The following ATG7 variants were observed in gnomAD, a reference collection of about 807,000 sequenced individuals.
ATG7 encodes ubiquitin-like modifier-activating enzyme ATG7.
Under a neutral mutation model 82.4 loss-of-function variants are expected in ATG7, and 70 were observed. The observed-to-expected ratio is 0.85, with a 90% CI of 0.70 to 1.04. The LOEUF (loss-of-function observed/expected upper bound fraction) is 1.04, where lower values mean the gene tolerates loss of function less well. ATG7 is among the 50% of genes least tolerant of loss of function. ATG7 has a pLI of 0.00. For missense variants in ATG7, 792 were observed against 864.3 expected, an observed-to-expected ratio of 0.92 and a Z score of 1.05; for synonymous variants, 287 against 313.0, an observed-to-expected ratio of 0.92 and a Z score of 0.88.
chr3:11,537,111 G>A (rs558833774), intron 20 of ATG7, among the ~76,000 whole-genome samples: 3 of 152,040 alleles, frequency 2.0e-5, no homozygotes, highest in East Asian at 3.9e-4. Context: ...TCTGCTGTCA[G>A]CCCCCCGGAG....
At chr3:11,372,187 A>C (rs1479598773) in intron 18 of ATG7, among the ~76,000 whole-genome samples, 2 of 151,228 alleles carry the variant, frequency 1.3e-5, no homozygotes, top group African/African-American at 4.9e-5. Context: ...GATGAGTGGG[A>C]CTGGAGCCAA....
At chr3:11,302,215 G>A (rs1187172696) in intron 5 of ATG7, among the ~76,000 whole-genome samples, 1 of 152,186 alleles carries the variant, frequency 6.6e-6, no homozygotes, top group Non-Finnish European at 1.5e-5. Context: ...ACTTCAATAA[G>A]CTCTTTTAGT....
In ATG7 at chr3:11,281,260, A is replaced by C. The variant is rs565783970; in HGVS notation, c.-257+158A>C. On this transcript the variant is annotated intron_variant, in intron 2 of 20. Transcript: ENST00000693202. Reference sequence around the variant, plus strand: ...TTTATATCATAGGTATCATGGGTGCATTTTTGTAATGACAGTGGCAGAGAA... The same window carrying C: ...TTTATATCATAGGTATCATGGGTGCCTTTTTGTAATGACAGTGGCAGAGAA... 3.3e-5 allele frequency among the ~76,000 whole-genome samples: 5 copies of C among 152,346 alleles called. No individual in the cohort carries two copies. In the South Asian group the frequency reaches 1.0e-3, roughly 32 times the overall value.
intron 19 of ATG7, among the ~76,000 whole-genome samples, chr3:11,383,136 G>A (rs1035518841): frequency 6.6e-6 from 1 of 152,148 alleles, no homozygotes; most frequent in Non-Finnish European, 1.5e-5. Context: ...CAATGTTGTT[G>A]TTTATACCAG....
At position 11,505,136 on chromosome 3, in the gene ATG7, G is replaced by A. The variant is rs375070806; in HGVS notation, c.2080-49675G>A. ...CTGTTAATTTTCATAACAAGCCTTG[G>A]AATTATTTGGCTCTTTAAACTATGT... is the stretch of plus-strand genomic sequence containing the variant. On this transcript the variant is annotated intron_variant, in intron 20 of 20. Transcript: ENST00000693202. Among the ~76,000 whole-genome samples, 230 of 152,278 alleles carry A rather than the reference G, an allele frequency of 1.5e-3. 1 individual carries two copies. The highest frequency in any genetic ancestry group is 5.1e-3 in the African/African-American group (211 of 41,562).
At chr3:11,397,616 C>T (rs1419478094) in intron 19 of ATG7, among the ~76,000 whole-genome samples, 7 of 151,848 alleles carry the variant, frequency 4.6e-5, no homozygotes, top group African/African-American at 1.7e-4. Flanking sequence ...GCCATCTTGC[C>T]TGGCTAATTT....
At chr3:11,565,658 G>A in the ATG7 span, among the ~76,000 whole-genome samples, 30 of 152,310 alleles carry the variant, frequency 2.0e-4, no homozygotes, top group South Asian at 6.2e-4. The surrounding 1 kb of genome is among the most constrained non-coding windows in gnomAD (Gnocchi z 4.1). Flanking sequence ...CAGCTCTCTC[G>A]TCCAGGACAC....
the ATG7 span, chr3:11,568,512 T>C: frequency 5.3e-6 from 8 of 1,498,206 alleles, no homozygotes; most frequent in Non-Finnish European, 7.3e-6. This position sits in a 1 kb window ranked among gnomAD's most constrained non-coding sequence, Gnocchi z 5.9. Context: ...CACAGCACAG[T>C]GGGCACTATG....
At chr3:11,497,392 T>TATATATATATATATATATATATATATA (rs1422914065) in intron 20 of ATG7, among the ~76,000 whole-genome samples, 18 of 127,250 alleles carry the variant, frequency 1.4e-4, no homozygotes, top group Non-Finnish European at 2.0e-4. Context: ...TATATATATA[T>TATATATATATATATATATATATATATA]TTAGCCAGGC....
intron 20 of ATG7, among the ~76,000 whole-genome samples, chr3:11,511,096 C>T (rs573218056): frequency 2.0e-5 from 3 of 152,082 alleles, no homozygotes; most frequent in South Asian, 2.1e-4. Flanking sequence ...ATAAAAGCAG[C>T]GTGGACCCAA....
intron 18 of ATG7, among the ~76,000 whole-genome samples, chr3:11,376,268 A>C (rs546922476): frequency 6.6e-6 from 1 of 152,206 alleles, no homozygotes; most frequent in Non-Finnish European, 1.5e-5. Context: ...GATGGTTGCA[A>C]AACTGTTCAT....
chr3:11,501,394 T>C (rs1214692106), intron 20 of ATG7, among the ~76,000 whole-genome samples: 1 of 152,248 alleles, frequency 6.6e-6, no homozygotes, highest in African/African-American at 2.4e-5. Context: ...GCTGTTATTA[T>C]TTGTCAGAAG....
chr3:11,540,142 G>A (rs1438526478), intron 20 of ATG7, among the ~76,000 whole-genome samples: 1 of 152,234 alleles, frequency 6.6e-6, no homozygotes, highest in African/African-American at 2.4e-5. Context: ...AATTCACTGT[G>A]TCGTTTTTGC....
At chr3:11,547,460 C>G (rs1459458110) in intron 20 of ATG7, among the ~76,000 whole-genome samples, 1 of 152,088 alleles carries the variant, frequency 6.6e-6, no homozygotes. Context: ...TTTATGAATA[C>G]TTTCCTATGA....
chr3:11,437,010 T>C (rs2083428370), intron 20 of ATG7, among the ~76,000 whole-genome samples: 1 of 152,218 alleles, frequency 6.6e-6, no homozygotes, highest in Non-Finnish European at 1.5e-5. Context: ...ACGGTGATTA[T>C]ACTAAAACCA....
chr3:11,509,131 G>C (rs2091908467), intron 20 of ATG7, among the ~76,000 whole-genome samples: 1 of 152,210 alleles, frequency 6.6e-6, no homozygotes, highest in South Asian at 2.1e-4. Context: ...CCAGGTCATG[G>C]GTTGGTTTTT....
At chr3:11,469,857 G>A (rs551302852) in intron 20 of ATG7, among the ~76,000 whole-genome samples, 2 of 152,076 alleles carry the variant, frequency 1.3e-5, no homozygotes, top group Non-Finnish European at 2.9e-5. Context: ...AGGCATGGTG[G>A]CATGTACCTG....
intron 20 of ATG7, among the ~76,000 whole-genome samples, chr3:11,491,054 T>A (rs1195176003): frequency 8.5e-5 from 13 of 152,240 alleles, no homozygotes; most frequent in Admixed American, 8.5e-4. Context: ...CTGAATAATA[T>A]CCTGCAGAGT....
chr3:11,375,594 C>G (rs1327738522), intron 18 of ATG7, among the ~76,000 whole-genome samples: 2 of 152,204 alleles, frequency 1.3e-5, no homozygotes, highest in Non-Finnish European at 2.9e-5. Flanking sequence ...GAGCCTTGCT[C>G]TGTCATCCAA....
Sources: gnomAD v4.1 joint callset for allele counts (sites outside exome capture counted in the v4.1 genomes callset) on GRCh38, gnomAD v4.1.1 for gene constraint, Gnocchi (gnomAD v3.1) non-coding constraint, MANE v1.5 for transcripts, NCBI Gene and HGNC (gene_info 2026-07-23, HGNC 2026-07-21) for gene names.